The following NCOA1 variants were observed in gnomAD, a reference collection of about 807,000 sequenced individuals.
NCOA1 encodes the protein nuclear receptor coactivator 1.
NCOA1 carries 35 observed loss-of-function variants against 150.9 expected under a neutral mutation model. That is an observed-to-expected ratio of 0.23 (90% CI 0.18 to 0.31). NCOA1 has a LOEUF of 0.31. NCOA1 is among the 10% of genes least tolerant of loss of function. NCOA1 has a pLI of 1.00. For synonymous variants in NCOA1, 590 were observed against 630.0 expected (o/e 0.94, Z 0.95); for missense variants, 1,491 against 1,749.3 (o/e 0.85, Z 2.63).
intron 9 of NCOA1, among the ~76,000 whole-genome samples, chr2:24,692,961 C>T (rs1466493330): frequency 2.6e-5 from 4 of 152,112 alleles, no homozygotes; most frequent in Non-Finnish European, 4.4e-5. Flanking sequence ...CCCGGGTTCA[C>T]GCCATTCTCC....
intron 1 of NCOA1, among the ~76,000 whole-genome samples, chr2:24,516,219 G>A (rs1264768071): frequency 9.1e-5 from 12 of 131,746 alleles, no homozygotes; most frequent in Admixed American, 5.8e-4. Context: ...TTGAGACGGA[G>A]CCTCGCTCTG....
intron 3 of NCOA1, among the ~76,000 whole-genome samples, chr2:24,628,266 C>G (rs1347170895): frequency 6.7e-6 from 1 of 150,298 alleles, no homozygotes; most frequent in Admixed American, 6.6e-5. Context: ...TGCCATTGCA[C>G]TCCAGTCTGG....
At chr2:24,519,652 C>CA (rs1014874055) in intron 1 of NCOA1, among the ~76,000 whole-genome samples, 20,464 of 72,234 alleles carry the variant, frequency 0.28, 1,911 homozygotes, top group Non-Finnish European at 0.32. Context: ...CCTGTCTCTA[C>CA]AAAAAAAAAA....
At position 24,768,346 on chromosome 2, in the gene NCOA1, C is replaced by T. The variant is rs529179321; in HGVS notation, c.4281C>T (p.Pro1427=). The T allele has an allele frequency of 4.0e-5, 64 of 1,613,336 alleles. No homozygotes were observed. The Middle Eastern group carries it at 6.7e-4, about 17-fold the overall frequency. Residue 1427 remains proline (P), a synonymous_variant, in exon 23 of 23, where the codon CCC becomes CCT. Transcript: ENST00000348332. The stretch of plus-strand genomic sequence containing the variant: ...AGCCCACGTCAGGACCACAGACCCC[C>T]CAGGCCCAGCAGAAGAGCCTCCTTC... ...TQKPTSGPQT[P]QAQQKSLLQQ... is the part of the protein sequence containing the mutation.
chr2:24,518,226 G>C (rs1664285065), intron 1 of NCOA1, among the ~76,000 whole-genome samples: 1 of 151,608 alleles, frequency 6.6e-6, no homozygotes, highest in South Asian at 2.1e-4. Flanking sequence ...GACTAAAAAG[G>C]AAAAAAATAT....
intron 2 of NCOA1, among the ~76,000 whole-genome samples, chr2:24,579,220 A>G (rs915540751): frequency 1.3e-5 from 2 of 152,168 alleles, no homozygotes; most frequent in African/African-American, 2.4e-5. Context: ...TTAGTAGAAT[A>G]TGGATTCTCT....
At chr2:24,718,161 A>G (rs1031147085) in intron 14 of NCOA1, among the ~76,000 whole-genome samples, 1 of 152,128 alleles carries the variant, frequency 6.6e-6, no homozygotes, top group African/African-American at 2.4e-5. Context: ...TGGCTTCCCA[A>G]AGTGCCAGGA....
intron 7 of NCOA1, 24 bp from the exon 8 acceptor site, chr2:24,682,927 C>A: frequency 6.4e-7 from 1 of 1,558,116 alleles, no homozygotes; most frequent in South Asian, 1.2e-5. Context: ...ACCTCCAAAC[C>A]ATTTTTTTCT....
chr2:24,745,882 A>G (rs1320606259), intron 19 of NCOA1, among the ~76,000 whole-genome samples: 2 of 152,174 alleles, frequency 1.3e-5, no homozygotes, highest in Non-Finnish European at 2.9e-5. Context: ...AGGGGCTTTG[A>G]ACATTGTCTA....
At position 24,758,090 on chromosome 2, in the gene NCOA1, A is replaced by G; in HGVS notation, c.3999A>G (p.Pro1333=). Residue 1333 remains proline (P), a synonymous_variant, in exon 21 of 23, where the codon CCA becomes CCG. Transcript: ENST00000348332. ...ATACGAATGTTCAGAACATGAACCC[A>G]ATGATGGCCCAGATGCAGATGAGCT... The part of the protein sequence containing the change: ...GGNTNVQNMN[P]MMAQMQMSSL... The G allele has an allele frequency of 3.7e-6, 6 of 1,614,144 alleles. No individual in the cohort carries two copies. The highest frequency in any genetic ancestry group is 5.1e-6 in the Non-Finnish European group (6 of 1,180,010).
chr2:24,521,508 T>A (rs1664416767), intron 1 of NCOA1, among the ~76,000 whole-genome samples: 1 of 152,224 alleles, frequency 6.6e-6, no homozygotes, highest in African/African-American at 2.4e-5. Context: ...TGTGTCTGGT[T>A]TATTTCACTT....
At chr2:24,511,536 A>G (rs1663935822) in intron 1 of NCOA1, among the ~76,000 whole-genome samples, 1 of 152,204 alleles carries the variant, frequency 6.6e-6, no homozygotes. Flanking sequence ...CCTTGAAGAA[A>G]TGTCTCTTCA....
At chr2:24,498,104 T>C (rs1329511510) in intron 1 of NCOA1, among the ~76,000 whole-genome samples, 1 of 152,224 alleles carries the variant, frequency 6.6e-6, no homozygotes, top group Non-Finnish European at 1.5e-5. Flanking sequence ...TTTGAAAACA[T>C]CTGTATGTGT....
Position 24,705,089 on chromosome 2 carries a change from T to C in NCOA1, c.953T>C (p.Met318Thr). The part of the protein sequence containing the change: ...SYARQLFQEV[M>T]TRGTASSPSY... Reference sequence around the variant, plus strand: ...GTTTCTCTTCTGTTTGAAACAGTGATGACTCGTGGCACTGCCTCCAGCCCC... The same window carrying C: ...GTTTCTCTTCTGTTTGAAACAGTGACGACTCGTGGCACTGCCTCCAGCCCC... The change falls in exon 12 of 23, where the codon ATG becomes ACG. Residue 318 changes from methionine (M) to threonine (T), a missense_variant. Met to Thr is a moderately conservative substitution (Grantham distance 81, BLOSUM62 -1). This residue lies in a region of NCOA1 where 25 missense variants were observed against 66.1 expected (regional missense o/e 0.38). Transcript: ENST00000348332. The C allele has an allele frequency of 6.2e-7, 1 of 1,613,008 alleles. No individual in the cohort carries two copies.
At chr2:24,594,898 T>C (rs891167812) in intron 3 of NCOA1, among the ~76,000 whole-genome samples, 42 of 152,156 alleles carry the variant, frequency 2.8e-4, no homozygotes, top group African/African-American at 9.9e-4. Flanking sequence ...TAAGCTATTA[T>C]AGTAATGCAA....
At chr2:24,749,146 C>T (rs1664089911) in intron 19 of NCOA1, among the ~76,000 whole-genome samples, 1 of 152,134 alleles carries the variant, frequency 6.6e-6, no homozygotes. Flanking sequence ...TAAGAGGGAC[C>T]AGAGTTACTT....
At chr2:24,768,173 G>C (rs755393260) in intron 22 of NCOA1, 48 bp from the exon 23 acceptor site, 1 of 1,610,492 alleles carries the variant, frequency 6.2e-7, no homozygotes, top group Non-Finnish European at 8.5e-7. Context: ...CTCATAAGCC[G>C]GGGGGGCAGA....
intron 3 of NCOA1, among the ~76,000 whole-genome samples, chr2:24,600,998 ATAT>A (rs1449270993): frequency 3.9e-5 from 6 of 152,212 alleles, no homozygotes; most frequent in Non-Finnish European, 7.3e-5. Flanking sequence ...CAGTATGGAA[ATAT>A]TATCTAGTAG....
Position 24,753,188 on chromosome 2 carries a change from C to T in NCOA1, c.3881+1032C>T, listed in dbSNP as rs992150461. Among the ~76,000 whole-genome samples, 7 of 152,062 alleles carry T rather than the reference C, an allele frequency of 4.6e-5. No individual in the cohort carries two copies. In the South Asian group the frequency reaches 6.2e-4, roughly 14 times the overall value. ...TTAGTCTCCTAATGTATTCTAATCC[C>T]AACTTCCTAAACTCACTCTGGATTT... is the stretch of plus-strand genomic sequence containing the variant. On this transcript the variant is annotated intron_variant, in intron 20 of 22. Transcript: ENST00000348332.
Sources: gnomAD v4.1 joint callset for allele counts (sites outside exome capture counted in the v4.1 genomes callset) on GRCh38, gnomAD v4.1.1 for gene constraint, gnomAD v4.1.1 regional missense constraint, MANE v1.5 for transcripts, NCBI Gene and HGNC (gene_info 2026-07-23, HGNC 2026-07-21) for gene names.